The following PDE3A variants were observed in gnomAD, a reference collection of about 807,000 sequenced individuals.
PDE3A encodes phosphodiesterase 3A, also known as cGMP-inhibited 3',5'-cyclic phosphodiesterase 3A.
Under a neutral mutation model 98.3 loss-of-function variants are expected in PDE3A, and 43 were observed. That is an observed-to-expected ratio of 0.44 (90% CI 0.34 to 0.56). The LOEUF (loss-of-function observed/expected upper bound fraction) is 0.56, where lower values mean the gene tolerates loss of function less well. Ranked by LOEUF, PDE3A falls within the 20% of genes least tolerant of loss-of-function variation. PDE3A has a pLI of 0.01. For missense variants in PDE3A, 1,427 were observed against 1,440.7 expected, an observed-to-expected ratio of 0.99 and a Z score of 0.15; for synonymous variants, 663 against 567.9, an observed-to-expected ratio of 1.17 and a Z score of -2.38.
At chr12:20,542,451 ACACACACACACACACACAC>A (rs1941942030) in intron 1 of PDE3A, among the ~76,000 whole-genome samples, 2 of 36,464 alleles carry the variant, frequency 5.5e-5, no homozygotes, top group Non-Finnish European at 1.9e-4. Flanking sequence ...ACACACACAC[ACACACACACACACACACAC>A]ACATACACTT....
intron 1 of PDE3A, among the ~76,000 whole-genome samples, chr12:20,530,649 A>G (rs1946608467): frequency 6.6e-6 from 1 of 152,114 alleles, no homozygotes; most frequent in Non-Finnish European, 1.5e-5. Flanking sequence ...ATATTTTATT[A>G]AGAATTGGTG....
chr12:20,564,546 C>T (rs1942609966), intron 2 of PDE3A, among the ~76,000 whole-genome samples: 1 of 152,072 alleles, frequency 6.6e-6, no homozygotes, highest in South Asian at 2.1e-4. Flanking sequence ...GGAATGTACT[C>T]TTCCCACACT....
intron 1 of PDE3A, among the ~76,000 whole-genome samples, chr12:20,451,719 C>T (rs902709057): frequency 4.6e-5 from 7 of 152,150 alleles, no homozygotes; most frequent in African/African-American, 1.7e-4. Flanking sequence ...TTAATTCTGC[C>T]ACAATACACG....
chr12:20,561,788 T>C (rs1942528827), intron 2 of PDE3A, among the ~76,000 whole-genome samples: 1 of 152,220 alleles, frequency 6.6e-6, no homozygotes, highest in South Asian at 2.1e-4. Context: ...ACCATTCATA[T>C]CAAATACTTG....
At chr12:20,610,003 A>T (rs1048418417) in intron 2 of PDE3A, among the ~76,000 whole-genome samples, 1 of 151,966 alleles carries the variant, frequency 6.6e-6, no homozygotes, top group Non-Finnish European at 1.5e-5. Flanking sequence ...ATTCTTGGAT[A>T]ACACACCAAA....
chr12:20,490,176 G>A (rs955571337), intron 1 of PDE3A, among the ~76,000 whole-genome samples: 1 of 152,148 alleles, frequency 6.6e-6, no homozygotes, highest in East Asian at 1.9e-4. Flanking sequence ...TCCCCTGAAT[G>A]AATTTGGTTA....
At chr12:20,510,040 A>G (rs970517133) in intron 1 of PDE3A, among the ~76,000 whole-genome samples, 2 of 152,068 alleles carry the variant, frequency 1.3e-5, no homozygotes, top group African/African-American at 4.8e-5. Context: ...ATACATTAAT[A>G]TAGTTTTCAA....
At chr12:20,488,018 C>T (rs924009085) in intron 1 of PDE3A, among the ~76,000 whole-genome samples, 1 of 152,114 alleles carries the variant, frequency 6.6e-6, no homozygotes, top group African/African-American at 2.4e-5. Context: ...AATGCATATT[C>T]CTTCCTATTG....
Position 20,427,757 on chromosome 12 carries a change from T to C in PDE3A, c.960+57513T>C, listed in dbSNP as rs532581293. On this transcript the variant is annotated intron_variant, in intron 1 of 15. Coordinates refer to ENST00000359062, the MANE Select transcript of PDE3A (RefSeq NM_000921.5). ...TAGACTATGTAAAAAGTAAAGAAGA[T>C]GATCTAAATCCAGAATTAAAAGGCA... 2.0e-5 allele frequency among the ~76,000 whole-genome samples: 3 copies of C among 152,258 alleles called. No individual in the cohort carries two copies. The South Asian group carries it at 6.2e-4, about 32-fold the overall frequency.
At chr12:20,616,639 GA>G (rs1233846493) in intron 4 of PDE3A, among the ~76,000 whole-genome samples, 1 of 152,038 alleles carries the variant, frequency 6.6e-6, no homozygotes, top group African/African-American at 2.4e-5. Context: ...TGTGACCTTA[GA>G]TGGGAAGGGT....
chr12:20,620,156 A>C (rs148243481), intron 4 of PDE3A, among the ~76,000 whole-genome samples: 1 of 152,166 alleles, frequency 6.6e-6, no homozygotes, highest in African/African-American at 2.4e-5. Flanking sequence ...ATTATATCGT[A>C]TTAATTATAA....
In PDE3A at chr12:20,386,130, T is replaced by TAAAAATATATAA. The variant is rs1373666428; in HGVS notation, c.960+15889_960+15890insAATATATAAAAA. 5.1e-4 allele frequency among the ~76,000 whole-genome samples: 33 copies of TAAAAATATATAA among 64,098 alleles called. 2 individuals carry two copies. In the East Asian group the frequency reaches 0.012, roughly 24 times the overall value. The allele number at this position is 64,098 out of a possible 152,430, so 42.1% of individuals were successfully genotyped here. A position where few individuals can be genotyped will look rare whatever the true frequency, so the allele number is the denominator to read the frequency against. ...ATATATAAATATATATAAATATATA[T>TAAAAATATATAA]AAATATATATAAATATATATATAAA... On this transcript the variant is annotated intron_variant, in intron 1 of 15. Transcript: ENST00000359062.
chr12:20,481,039 T>G (rs981121160), intron 1 of PDE3A, among the ~76,000 whole-genome samples: 2 of 152,216 alleles, frequency 1.3e-5, no homozygotes, highest in African/African-American at 2.4e-5. Context: ...GTGTTGTAAT[T>G]GCAGAATTTA....
intron 10 of PDE3A, among the ~76,000 whole-genome samples, chr12:20,644,199 T>C (rs569375384): frequency 1.0e-3 from 153 of 152,326 alleles, no homozygotes; most frequent in African/African-American, 3.5e-3. Context: ...GTCATTACTA[T>C]CTTCTACCGA....
In PDE3A at chr12:20,552,109, G is replaced by T; in HGVS notation, c.961-4551G>T. ...GCTTTCCGGCAACAAGAGGACCGCG[G>T]AACAGTCTTGTGATCAGAAACTCAC... On this transcript the variant is annotated intron_variant, in intron 1 of 15. Coordinates refer to ENST00000359062, the MANE Select transcript of PDE3A (RefSeq NM_000921.5). The surrounding 1 kb of genome is among the most constrained non-coding windows in gnomAD (Gnocchi z 5.1). 6.2e-7 allele frequency: 1 copy of T among 1,613,220 alleles called. No individual in the cohort carries two copies. Among genetic ancestry groups the T allele is most frequent in the African/African-American group, 1.3e-5 (1 of 75,030 alleles).
chr12:20,385,447 C>T lies in PDE3A; in HGVS notation c.960+15203C>T, dbSNP rs371432478. ...AGCCATCCCATTACTGGGTATATAC[C>T]GAAAGGATTATAAATCATGCTGCTA... On this transcript the variant is annotated intron_variant, in intron 1 of 15. Coordinates refer to ENST00000359062, the MANE Select transcript of PDE3A (RefSeq NM_000921.5). 3.6e-4 allele frequency among the ~76,000 whole-genome samples: 54 copies of T among 151,960 alleles called. 1 individual carries two copies. The highest frequency in any genetic ancestry group is 1.2e-3 in the African/African-American group (50 of 41,480).
chr12:20,486,410 T>C (rs145898641), intron 1 of PDE3A, among the ~76,000 whole-genome samples: 7 of 152,140 alleles, frequency 4.6e-5, no homozygotes, highest in Non-Finnish European at 7.3e-5. Context: ...TTACATCCAC[T>C]TGGTGTCTCC....
chr12:20,667,480 C>A (rs1945345749), intron 15 of PDE3A, among the ~76,000 whole-genome samples: 1 of 152,098 alleles, frequency 6.6e-6, no homozygotes, highest in South Asian at 2.1e-4. Context: ...TAGTTTCATT[C>A]TTCTGCATGT....
Position 20,688,263 on chromosome 12 carries a change from T to A in PDE3A, c.*7992T>A, listed in dbSNP as rs1023042082. On this transcript the variant is annotated 3_prime_UTR_variant, in exon 16 of 16. Coordinates refer to ENST00000359062, the MANE Select transcript of PDE3A (RefSeq NM_000921.5). ...TGTCCTTTCACCTATATCTTCCATT[T>A]AATATATGTAGCAATACTTAGTATC... Among the ~76,000 whole-genome samples the A allele has an allele frequency of 6.6e-6, 1 of 152,050 alleles. No individual in the cohort carries two copies. The highest frequency in any genetic ancestry group is 1.5e-5 in the Non-Finnish European group (1 of 67,968).
Sources: gnomAD v4.1 joint callset for allele counts (sites outside exome capture counted in the v4.1 genomes callset) on GRCh38, gnomAD v4.1.1 for gene constraint, Gnocchi (gnomAD v3.1) non-coding constraint, MANE v1.5 for transcripts, NCBI Gene and HGNC (gene_info 2026-07-23, HGNC 2026-07-21) for gene names.